The following CALML6 variants were observed in gnomAD, a reference collection of about 807,000 sequenced individuals.
The protein encoded by CALML6 is calmodulin-like protein 6.
A neutral mutation model predicts 25.0 loss-of-function variants in CALML6; 27 were observed. That is an observed-to-expected ratio of 1.08 (90% confidence interval 0.80 to 1.49). The LOEUF (loss-of-function observed/expected upper bound fraction) is 1.49, where lower values mean the gene tolerates loss of function less well. Ranked by LOEUF, CALML6 falls within the 40% of genes most tolerant of loss-of-function variation. CALML6 has a pLI of 0.00. For missense variants in CALML6, 239 were observed against 232.7 expected (o/e 1.03, Z -0.18); for synonymous variants, 97 against 87.2 (o/e 1.11, Z -0.63).
chr1:1,916,140 G>A (rs1651100562), intron 2 of CALML6: 1 of 421,128 alleles, frequency 2.4e-6, no homozygotes, highest in South Asian at 3.8e-5. Flanking sequence ...CCATTGCCAG[G>A]CTCCAGGGCC....
intron 2 of CALML6, 64 bp downstream of exon 2, chr1:1,915,799 C>A: frequency 1.3e-6 from 2 of 1,533,508 alleles, no homozygotes; most frequent in Non-Finnish European, 1.8e-6. Context: ...TGAGCTGGAA[C>A]CTGGAGGTGC....
rs1428496901 is a variant in CALML6, at chr1:1,916,494, G to A, written c.132G>A (p.Met44Ile). Residue 44 changes from methionine to isoleucine, a missense_variant, in exon 3 of 6, where the codon ATG (methionine) becomes ATA (isoleucine). Physicochemically the swap from Met to Ile is conservative, Grantham distance 10 (BLOSUM62 1). Coordinates refer to ENST00000307786, the MANE Select transcript of CALML6 (RefSeq NM_138705.4). ...QIKEYKGVFEMFDEEGNGEVK... is the reference protein window; with the variant it reads ...QIKEYKGVFEIFDEEGNGEVK... ...AGGAGTACAAGGGAGTCTTTGAGAT[G>A]TTCGACGAAGAGGGCAACGGGGAGG... 6.3e-6 allele frequency: 10 copies of A among 1,584,268 alleles called. No homozygotes were observed. In the South Asian group the frequency reaches 8.0e-5, roughly 13 times the overall value.
rs1050697881 is a variant in CALML6 at position 1,917,276 on chromosome 1, A to G, written c.*83A>G. The G allele has an allele frequency of 4.6e-5, 66 of 1,429,908 alleles. 3 individuals are homozygous for G. The South Asian group carries it at 7.9e-4, about 17-fold the overall frequency. 88.6% of individuals were successfully genotyped at this position (1,429,908 alleles called of 1,614,324 possible). The stretch of plus-strand genomic sequence containing the variant: ...GGCCCCCACTCCCCCGGCTCCGTGT[A>G]AAATAAATGTTCCAGCCCAACCTGT... On this transcript the variant is annotated 3_prime_UTR_variant, in exon 6 of 6. Coordinates refer to ENST00000307786, the MANE Select transcript of CALML6 (RefSeq NM_138705.4).
At chr1:1,916,406 GC>G (rs767137699) in intron 2 of CALML6, 34 bp from the exon 3 acceptor site, 1 of 1,481,732 alleles carries the variant, frequency 6.7e-7, no homozygotes, top group Admixed American at 2.4e-5. Context: ...GGCAGAAGGG[GC>G]TCCTGGTCAG....
chr1:1,917,071 G>A lies in CALML6; in HGVS notation c.496G>A (p.Glu166Lys). The A allele has an allele frequency of 6.2e-7, 1 of 1,610,754 alleles. No homozygotes were observed. Residue 166 changes from glutamate (E) to lysine (K), a missense_variant, in exon 5 of 6, where the codon GAG (glutamate) becomes AAG (lysine). This residue lies in a region of CALML6 where 231 missense variants were observed against 210.9 expected (regional missense o/e 1.10). Coordinates refer to ENST00000307786, the MANE Select transcript of CALML6 (RefSeq NM_138705.4). Reference protein sequence around the residue: ...DKDGDRTIDYEEFVAMMTGES... With the variant: ...DKDGDRTIDYKEFVAMMTGES... ...GGATGGGGACAGGACCATCGACTAT[G>A]AGGGTGAGTGGCCTGGAGCCCTGGG...
chr1:1,915,462 C>T, intron 1 of CALML6, 155 bp downstream of exon 1: 1 of 1,420,562 alleles, frequency 7.0e-7, no homozygotes, highest in Non-Finnish European at 9.4e-7. Flanking sequence ...CTTTCCTGGC[C>T]CCCGCACTTA....
chr1:1,916,454 C>T lies in CALML6; in HGVS notation c.92C>T (p.Ser31Leu), dbSNP rs1290660769. Reference sequence around the variant, plus strand: ...TGTCCCCTGCAGACAGAGCGCCTGTCGGCTGAGCAGATCAAGGAGTACAAG... The same window carrying T: ...TGTCCCCTGCAGACAGAGCGCCTGTTGGCTGAGCAGATCAAGGAGTACAAG... The part of the protein sequence containing the change: ...QTTTDMTERL[S>L]AEQIKEYKGV... The change falls in exon 3 of 6, where the codon TCG becomes TTG. Residue 31 changes from serine to leucine, a missense_variant. Ser to Leu is a moderately radical substitution (Grantham distance 145, BLOSUM62 -2). Coordinates refer to ENST00000307786, the MANE Select transcript of CALML6 (RefSeq NM_138705.4). 8.5e-6 allele frequency: 13 copies of T among 1,538,378 alleles called. No homozygotes were observed. Among genetic ancestry groups the T allele is most frequent in the South Asian group, 3.6e-5 (3 of 82,334 alleles).
chr1:1,916,019 G>C, intron 2 of CALML6: 1 of 529,076 alleles, frequency 1.9e-6, no homozygotes, highest in Non-Finnish European at 3.4e-6. Flanking sequence ...TGGAGCCCAG[G>C]GTTCTGCTTC....
intron 1 of CALML6, 116 bp from the exon 2 acceptor site, chr1:1,915,569 G>C: frequency 7.7e-7 from 1 of 1,298,444 alleles, no homozygotes; most frequent in South Asian, 1.3e-5. Context: ...CCCAAAATAG[G>C]GCCGGCAGGA....
rs765843274 is a variant in CALML6, at chr1:1,917,152, G to A, written c.505G>A (p.Val169Met). ...GDRTIDYEEF[V>M]AMMTGESFKL... Reference sequence around the variant, plus strand: ...ACCTGCCCCTCTGTTCCCAGAGTTTGTGGCCATGATGACGGGGGAGTCCTT... The same window carrying A: ...ACCTGCCCCTCTGTTCCCAGAGTTTATGGCCATGATGACGGGGGAGTCCTT... The change falls in exon 6 of 6, where the codon GTG (valine) becomes ATG (methionine). Residue 169 changes from valine to methionine, a missense_variant. This residue lies in a region of CALML6 where 231 missense variants were observed against 210.9 expected (regional missense o/e 1.10). Transcript: ENST00000307786. 35 of 1,608,648 alleles carry A rather than the reference G, an allele frequency of 2.2e-5. 1 individual carries two copies. The South Asian group carries it at 3.4e-4, about 16-fold the overall frequency.
intron 4 of CALML6, 34 bp downstream of exon 4, chr1:1,916,930 G>GGGTGGGGGGGGGGC: frequency 1.5e-6 from 1 of 665,010 alleles, no homozygotes; most frequent in Non-Finnish European, 2.6e-6. Flanking sequence ...TGGTGGGCGG[G>GGGTGGGGGGGGGGC]CACGGGCAGG....
In CALML6 at chr1:1,915,993, G is replaced by A. The variant is rs1320257386; in HGVS notation, c.78+258G>A. The A allele has an allele frequency of 3.4e-5, 19 of 556,670 alleles. No homozygotes were observed. In the East Asian group the frequency reaches 4.0e-4, roughly 12 times the overall value. The allele number at this position is 556,670 out of a possible 1,614,324, so 34.5% of individuals were successfully genotyped here. On this transcript the variant is annotated intron_variant, in intron 2 of 5. Coordinates refer to ENST00000307786, the MANE Select transcript of CALML6 (RefSeq NM_138705.4). Reference sequence around the variant, plus strand: ...TGGCCCGGTGCTGGACTCTCCCTCCGGAATGCCACACAGGCTGGAGCCCAG... The same window carrying A: ...TGGCCCGGTGCTGGACTCTCCCTCCAGAATGCCACACAGGCTGGAGCCCAG...
intron 2 of CALML6, 44 bp from the exon 3 acceptor site, chr1:1,916,397 G>A (rs984030362): frequency 3.4e-6 from 5 of 1,471,742 alleles, no homozygotes; most frequent in Non-Finnish European, 4.5e-6. Context: ...GGACACAGGG[G>A]CAGAAGGGGC....
In CALML6 at chr1:1,917,187, C is replaced by G. The variant is rs1388098163; in HGVS notation, c.540C>G (p.Ile180Met). 10 of 1,601,826 alleles carry G rather than the reference C, an allele frequency of 6.2e-6. No individual in the cohort carries two copies. The change falls in exon 6 of 6, where the codon ATC becomes ATG. Residue 180 changes from isoleucine to methionine, a missense_variant. Around this residue, in one of 2 missense-constraint regions of CALML6, gnomAD observed 231 missense variants for 210.9 expected, o/e 1.10. Coordinates refer to ENST00000307786, the MANE Select transcript of CALML6 (RefSeq NM_138705.4). Reference sequence around the variant, plus strand: ...TGACGGGGGAGTCCTTCAAGCTGATCCAGTAGGTGCAGCTGCCGCAGCCGG... The same window carrying G: ...TGACGGGGGAGTCCTTCAAGCTGATGCAGTAGGTGCAGCTGCCGCAGCCGG... ...AMMTGESFKL[I>M]Q
At position 1,916,786 on chromosome 1, in the gene CALML6, A is replaced by G. The variant is rs35971167; in HGVS notation, c.288A>G (p.Ala96=). 2,571 of 1,613,582 alleles carry G rather than the reference A, an allele frequency of 1.6e-3. 43 individuals are homozygous for G. In the African/African-American group the frequency reaches 0.031, roughly 20 times the overall value. Reference sequence around the variant, plus strand: ...TCTTCAACTGCGATGGTTTCCTGGCACTAATGGGAGTTTACCATGAGAAGG... The same window carrying G: ...TCTTCAACTGCGATGGTTTCCTGGCGCTAATGGGAGTTTACCATGAGAAGG... ...KGFFNCDGFL[A]LMGVYHEKAQ... The change falls in exon 4 of 6, where the codon GCA becomes GCG. Residue 96 remains alanine (A), a synonymous_variant. Transcript: ENST00000307786.
chr1:1,917,126 G>T, intron 5 of CALML6, 21 bp from the exon 6 acceptor site: 1 of 1,608,582 alleles, frequency 6.2e-7, no homozygotes, highest in Admixed American at 1.7e-5. Flanking sequence ...GCAAGCTGCT[G>T]ACCTGCCCCT....
chr1:1,915,363 C>T (rs952359532), intron 1 of CALML6, 56 bp downstream of exon 1: 7 of 1,548,644 alleles, frequency 4.5e-6, no homozygotes, highest in East Asian at 2.4e-5. Flanking sequence ...GAGGGCCGCA[C>T]CTCTGGGAAG....
rs1651085204 is a variant in CALML6 at position 1,915,722 on chromosome 1, C to T, written c.65C>T (p.Thr22Ile). The T allele has an allele frequency of 6.2e-7, 1 of 1,613,346 alleles. No individual in the cohort carries two copies. The highest frequency in any genetic ancestry group is 8.5e-7 in the Non-Finnish European group (1 of 1,179,976). ...CACCACCCTGCAGAATCCTGTCAGA[C>T]AACCACCGACATGGTAAGGCTGCTC... Reference protein sequence around the residue: ...WCHHPAESCQTTTDMTERLSA... With the variant: ...WCHHPAESCQITTDMTERLSA... Residue 22 changes from threonine to isoleucine, a missense_variant, in exon 2 of 6, where the codon ACA (threonine) becomes ATA (isoleucine). This residue lies in a region of CALML6 where 231 missense variants were observed against 210.9 expected (regional missense o/e 1.10). Transcript: ENST00000307786.
At chr1:1,917,101 G>T in intron 5 of CALML6, 27 bp downstream of exon 5, 1 of 1,609,120 alleles carries the variant, frequency 6.2e-7, no homozygotes, top group Non-Finnish European at 8.5e-7. Flanking sequence ...CCTGGGAGCC[G>T]TTGGCTGGGC....
Sources: allele counts gnomAD v4.1 joint callset, GRCh38; gene constraint gnomAD v4.1.1; regional missense constraint gnomAD v4.1.1; transcripts MANE v1.5; gene names NCBI Gene and HGNC (gene_info 2026-07-23, HGNC 2026-07-21).